Variants in ARHGEF12 observed in about 807,000 individuals in gnomAD.
ARHGEF12 encodes KMT2A/ARHGEF12 fusion protein.
Under a neutral mutation model 211.2 loss-of-function variants are expected in ARHGEF12, and 66 were observed. That is an observed-to-expected ratio of 0.31 (90% CI 0.26 to 0.38). The LOEUF (loss-of-function observed/expected upper bound fraction) is 0.38, where lower values mean the gene tolerates loss of function less well. Ranked by LOEUF, ARHGEF12 falls within the 10% of genes least tolerant of loss-of-function variation. The pLI is 1.00. For synonymous variants in ARHGEF12, 592 were observed against 638.4 expected, an observed-to-expected ratio of 0.93 and a Z score of 1.09; for missense variants, 1,429 against 1,869.5, an observed-to-expected ratio of 0.76 and a Z score of 4.34.
intron 11 of ARHGEF12, among the ~76,000 whole-genome samples, chr11:120,432,333 A>G (rs1945572382): frequency 6.6e-6 from 1 of 152,208 alleles, no homozygotes; most frequent in Non-Finnish European, 1.5e-5. Context: ...CAGTCCTGTT[A>G]GATAGGCTTC....
In ARHGEF12 at chr11:120,364,762, T is replaced by G. The variant is rs77052466; in HGVS notation, c.32+27487T>G. Reference sequence around the variant, plus strand: ...AACTTCAAATATAATGCCAGTTACATTTTTAAAAAACATTCATGTGATGCT... The same window carrying G: ...AACTTCAAATATAATGCCAGTTACAGTTTTAAAAAACATTCATGTGATGCT... On this transcript the variant is annotated intron_variant, in intron 1 of 40. Coordinates refer to ENST00000397843, the MANE Select transcript of ARHGEF12 (RefSeq NM_015313.3). 8.3e-3 allele frequency among the ~76,000 whole-genome samples: 1,267 copies of G among 152,302 alleles called. 84 individuals are homozygous for G. The South Asian group carries it at 0.16, about 19-fold the overall frequency.
Position 120,336,756 on chromosome 11 carries a change from C to T in ARHGEF12, c.-488C>T, listed in dbSNP as rs1399145723. ...GCCCGGCGCGGGACGGCCGGAGACG[C>T]GGCCAACGCTGCGGCCACGAGCAGC... On this transcript the variant is annotated 5_prime_UTR_variant, in exon 1 of 41. Transcript: ENST00000397843. Among the ~76,000 whole-genome samples, 4 of 152,160 alleles carry T rather than the reference C, an allele frequency of 2.6e-5. No homozygotes were observed. Among genetic ancestry groups the T allele is most frequent in the Non-Finnish European group, 5.9e-5 (4 of 68,010 alleles).
intron 12 of ARHGEF12, among the ~76,000 whole-genome samples, chr11:120,437,936 A>T (rs899942613): frequency 6.6e-6 from 1 of 152,180 alleles, no homozygotes; most frequent in Admixed American, 6.5e-5. Flanking sequence ...ATAATATTCC[A>T]TGACATGTAT....
chr11:120,448,509 C>T, intron 20 of ARHGEF12, 161 bp downstream of exon 20: 1 of 607,762 alleles, frequency 1.6e-6, no homozygotes, highest in Non-Finnish European at 2.9e-6. Flanking sequence ...ACTCAAAATA[C>T]AGTGAGAAAT....
intron 15 of ARHGEF12, 111 bp from the exon 16 acceptor site, chr11:120,445,311 G>T (rs1308923493): frequency 1.2e-5 from 12 of 966,580 alleles, no homozygotes; most frequent in Middle Eastern, 2.3e-4. Context: ...GTACTTGATT[G>T]TGCTTGTAGA....
At chr11:120,347,212 TTTTC>T (rs1358425870) in intron 1 of ARHGEF12, among the ~76,000 whole-genome samples, 5 of 87,478 alleles carry the variant, frequency 5.7e-5, no homozygotes, top group African/African-American at 1.4e-4. Context: ...TTCTCTTTCT[TTTTC>T]TTTCTTTCTT....
intron 39 of ARHGEF12, among the ~76,000 whole-genome samples, chr11:120,481,950 G>A (rs1161092927): frequency 2.0e-5 from 3 of 152,044 alleles, no homozygotes; most frequent in Non-Finnish European, 2.9e-5. Context: ...TAATAGAGAC[G>A]GGGTTTCACC....
chr11:120,447,927 C>A, intron 19 of ARHGEF12, 21 bp downstream of exon 19: 1 of 1,528,802 alleles, frequency 6.5e-7, no homozygotes. Context: ...TGTTTTTTTT[C>A]CCCTAGAATT....
intron 1 of ARHGEF12, among the ~76,000 whole-genome samples, chr11:120,347,149 T>C (rs867479937): frequency 2.1e-5 from 1 of 47,168 alleles, no homozygotes; most frequent in Non-Finnish European, 3.5e-5. Flanking sequence ...CCTTCCTTCC[T>C]TCCTTCCTTC....
intron 1 of ARHGEF12, among the ~76,000 whole-genome samples, chr11:120,362,866 C>T (rs949726910): frequency 2.0e-5 from 3 of 152,034 alleles, no homozygotes; most frequent in Non-Finnish European, 2.9e-5. Context: ...TTTGGGAGGC[C>T]GAGGCGGGCG....
chr11:120,479,889 A>C, intron 37 of ARHGEF12, 71 bp from the exon 38 acceptor site: 1 of 1,302,768 alleles, frequency 7.7e-7, no homozygotes, highest in East Asian at 2.3e-5. Context: ...AAGTCAGCTA[A>C]TTTAATTCTT....
chr11:120,485,017 AGTATAT>A, intron 40 of ARHGEF12, 44 bp from the exon 41 acceptor site: 1 of 1,575,644 alleles, frequency 6.3e-7, no homozygotes, highest in South Asian at 1.1e-5. Context: ...TTGCAATGTT[AGTATAT>A]TCTTTTTCTT....
At chr11:120,359,968 A>C (rs2135355883) in intron 1 of ARHGEF12, among the ~76,000 whole-genome samples, 1 of 152,370 alleles carries the variant, frequency 6.6e-6, no homozygotes, top group Middle Eastern at 3.4e-3. Context: ...AACCAGAGAA[A>C]GATTGGTAGA....
chr11:120,456,927 T>G, intron 22 of ARHGEF12, 191 bp from the exon 23 acceptor site: 1 of 523,884 alleles, frequency 1.9e-6, no homozygotes, highest in Non-Finnish European at 3.3e-6. Flanking sequence ...GAGGCTGAGA[T>G]GGGAGGATCA....
In ARHGEF12 at chr11:120,467,203, A is replaced by G. The variant is rs777028519; in HGVS notation, c.2749A>G (p.Ser917Gly). ...RFQTFVQDAE[S>G]NPLCRRLQLK... is the part of the protein sequence containing the mutation. ...TTCACTTTAATTTTAGGATGCTGAAAGTAATCCACTGTGTCGTCGTCTTCA... is the reference window on the plus strand; with the variant it reads ...TTCACTTTAATTTTAGGATGCTGAAGGTAATCCACTGTGTCGTCGTCTTCA... The change falls in exon 29 of 41, where the codon AGT (serine) becomes GGT (glycine). Residue 917 changes from serine (S) to glycine (G), a missense_variant. By Grantham distance (56) the Ser-to-Gly change is moderately conservative. This residue lies in a region of ARHGEF12 where 223 missense variants were observed against 444.6 expected (regional missense o/e 0.50). Coordinates refer to ENST00000397843, the MANE Select transcript of ARHGEF12 (RefSeq NM_015313.3). The G allele has an allele frequency of 3.1e-6, 5 of 1,607,364 alleles. No homozygotes were observed. Among genetic ancestry groups the G allele is most frequent in the Non-Finnish European group, 3.4e-6 (4 of 1,175,366 alleles).
At chr11:120,407,557 C>T (rs1421782065) in intron 2 of ARHGEF12, among the ~76,000 whole-genome samples, 181 bp from the exon 3 acceptor site, 2 of 152,056 alleles carry the variant, frequency 1.3e-5, no homozygotes, top group African/African-American at 2.4e-5. Flanking sequence ...TTTTTATAAT[C>T]AAGTAAATAG....
At chr11:120,474,490 G>A (rs779871416) in intron 31 of ARHGEF12, 70 bp from the exon 32 acceptor site, 90 of 1,058,016 alleles carry the variant, frequency 8.5e-5, no homozygotes, top group Non-Finnish European at 1.2e-4. Flanking sequence ...AAAAGAGACT[G>A]TATTATATAG....
intron 1 of ARHGEF12, among the ~76,000 whole-genome samples, chr11:120,387,926 G>A (rs1275568588): frequency 6.6e-6 from 1 of 152,092 alleles, no homozygotes; most frequent in African/African-American, 2.4e-5. Context: ...AGTTTTAACA[G>A]TTTTATTGAA....
intron 20 of ARHGEF12, 106 bp downstream of exon 20, chr11:120,448,454 C>G (rs1170753990): frequency 7.8e-6 from 6 of 769,284 alleles, no homozygotes; most frequent in Non-Finnish European, 1.3e-5. Context: ...CAAATTAATG[C>G]TAGTCATACA....
Sources: gnomAD v4.1 joint callset for allele counts (sites outside exome capture counted in the v4.1 genomes callset) on GRCh38, gnomAD v4.1.1 for gene constraint, gnomAD v4.1.1 regional missense constraint, MANE v1.5 for transcripts, NCBI Gene and HGNC (gene_info 2026-07-23, HGNC 2026-07-21) for gene names.